The following RAB40C variants were observed in gnomAD, a reference collection of about 807,000 sequenced individuals.
The protein encoded by RAB40C is RAB40C, member RAS oncogene family, also known as ras-related protein Rab-40C.
Under a neutral mutation model 28.1 loss-of-function variants are expected in RAB40C, and 8 were observed. That is an observed-to-expected ratio of 0.28 (90% CI 0.17 to 0.51). RAB40C has a LOEUF of 0.51. Ranked by LOEUF, RAB40C falls within the 20% of genes least tolerant of loss-of-function variation. The pLI is 0.97. For missense variants in RAB40C, 288 were observed against 405.9 expected (o/e 0.71, Z 2.50); for synonymous variants, 201 against 171.7 (o/e 1.17, Z -1.34).
chr16:605,764 G>A (rs1449141188), intron 1 of RAB40C, among the ~76,000 whole-genome samples: 5 of 152,282 alleles, frequency 3.3e-5, no homozygotes, highest in South Asian at 4.1e-4. Flanking sequence ...AGTCTCAGAC[G>A]CGTTTGGTCA....
intron 3 of RAB40C, among the ~76,000 whole-genome samples, chr16:620,618 G>GCC (rs1336566343): frequency 1.5e-5 from 2 of 133,346 alleles, no homozygotes; most frequent in South Asian, 2.6e-4. Context: ...GGGCATCCCA[G>GCC]CCCCCCCCGA....
At chr16:609,894 G>T (rs1269088730) in intron 1 of RAB40C, among the ~76,000 whole-genome samples, 1 of 152,162 alleles carries the variant, frequency 6.6e-6, no homozygotes, top group Non-Finnish European at 1.5e-5. Context: ...GGCACGTCAG[G>T]ATGTGTCTCC....
At chr16:617,848 AG>A (rs1407894642) in intron 2 of RAB40C, among the ~76,000 whole-genome samples, 3 of 151,580 alleles carry the variant, frequency 2.0e-5, no homozygotes, top group Admixed American at 2.0e-4. Flanking sequence ...GTCTCAAAAA[AG>A]AAAAAAAAAA....
intron 1 of RAB40C, chr16:596,211 T>C (rs2036120977): frequency 2.3e-6 from 1 of 439,512 alleles, no homozygotes. Context: ...AATTGAACAG[T>C]GTTTCAGGAA....
chr16:602,471 C>T (rs1020043216), intron 1 of RAB40C, among the ~76,000 whole-genome samples: 1 of 151,988 alleles, frequency 6.6e-6, no homozygotes, highest in Non-Finnish European at 1.5e-5. Context: ...TTGCTCTTGT[C>T]CACCAGGCTG....
intron 1 of RAB40C, among the ~76,000 whole-genome samples, chr16:613,959 A>G (rs2036533277): frequency 6.6e-6 from 1 of 152,220 alleles, no homozygotes; most frequent in South Asian, 2.1e-4. Context: ...GGAAGCACAC[A>G]GTCGGCGCAG....
At chr16:606,147 G>T (rs1267264672) in intron 1 of RAB40C, among the ~76,000 whole-genome samples, 9 of 150,700 alleles carry the variant, frequency 6.0e-5, no homozygotes, top group Admixed American at 6.0e-4. Context: ...TCCCTGGGCT[G>T]AAGTCAAGGT....
rs776136791 is a variant in RAB40C at position 627,603 on chromosome 16, G to A, written c.827G>A (p.Ser276Asn). The A allele has an allele frequency of 6.3e-7, 1 of 1,592,866 alleles. No individual in the cohort carries two copies. The highest frequency in any genetic ancestry group is 8.6e-7 in the Non-Finnish European group (1 of 1,167,628). Residue 276 changes from serine to asparagine, a missense_variant, in exon 6 of 6, where the codon AGT (serine) becomes AAT (asparagine). Transcript: ENST00000248139. ...PQSPPQNCSR[S>N]NCKIS is the part of the protein sequence containing the mutation. Reference sequence around the variant, plus strand: ...AGCCCCCCCCAGAACTGCTCGCGGAGTAACTGCAAGATCTCCTAGCGGGGA... The same window carrying A: ...AGCCCCCCCCAGAACTGCTCGCGGAATAACTGCAAGATCTCCTAGCGGGGA...
At chr16:622,326 T>C (rs1596415859) in intron 3 of RAB40C, among the ~76,000 whole-genome samples, 1 of 152,090 alleles carries the variant, frequency 6.6e-6, no homozygotes, top group South Asian at 2.1e-4. Flanking sequence ...GGGCCTGAGC[T>C]CAGGGCGTGC....
intron 1 of RAB40C, among the ~76,000 whole-genome samples, chr16:597,340 C>T (rs775507503): frequency 5.9e-5 from 9 of 152,056 alleles, no homozygotes; most frequent in Non-Finnish European, 1.0e-4. Flanking sequence ...CCTTCGCCGT[C>T]TTTACAGTGA....
In RAB40C at chr16:617,192, CT is replaced by C; in HGVS notation, c.143-15del. 1 of 1,613,318 alleles carries C rather than the reference CT, an allele frequency of 6.2e-7. No individual in the cohort carries two copies. Among genetic ancestry groups the C allele is most frequent in the Non-Finnish European group, 8.5e-7 (1 of 1,179,924 alleles). ...AGGAGTGGCGCGTCCCCTCAGCGCCCTGTGCTTCCTCGCAGGGATCGACTAC... is the reference window on the plus strand; with the variant it reads ...AGGAGTGGCGCGTCCCCTCAGCGCCCGTGCTTCCTCGCAGGGATCGACTAC... On this transcript the variant is annotated splice_polypyrimidine_tract_variant and intron_variant, in intron 1 of 5. Coordinates refer to ENST00000248139, the MANE Select transcript of RAB40C (RefSeq NM_021168.5).
chr16:620,392 A>C (rs1318573815), intron 3 of RAB40C, among the ~76,000 whole-genome samples: 3 of 151,444 alleles, frequency 2.0e-5, no homozygotes, highest in Non-Finnish European at 4.4e-5. Flanking sequence ...ACTCCATCTC[A>C]AAAAAAAAGG....
intron 5 of RAB40C, among the ~76,000 whole-genome samples, chr16:626,937 AAAAAC>A (rs774385943): frequency 2.0e-5 from 3 of 152,348 alleles, no homozygotes; most frequent in South Asian, 4.1e-4. Context: ...ACCCGTCTCA[AAAAAC>A]AAAACAAAAG....
intron 1 of RAB40C, among the ~76,000 whole-genome samples, chr16:600,621 T>G (rs772545151): frequency 7.2e-5 from 11 of 152,184 alleles, no homozygotes; most frequent in Non-Finnish European, 1.3e-4. Context: ...CCTGGTGGCA[T>G]GCACCTGTAT....
At chr16:619,682 G>A (rs989140210) in intron 3 of RAB40C, among the ~76,000 whole-genome samples, 30 of 152,180 alleles carry the variant, frequency 2.0e-4, no homozygotes, top group Admixed American at 9.2e-4. Flanking sequence ...CAGGGAGGCC[G>A]CCTGGGTCTG....
chr16:590,778 T>C (rs1258936527), intron 1 of RAB40C, among the ~76,000 whole-genome samples: 1 of 145,374 alleles, frequency 6.9e-6, no homozygotes, highest in African/African-American at 2.6e-5. Flanking sequence ...CTAGAGAAGG[T>C]GTCATGGGCC....
intron 1 of RAB40C, among the ~76,000 whole-genome samples, chr16:597,745 T>G (rs1032565578): frequency 2.6e-5 from 4 of 151,642 alleles, no homozygotes; most frequent in Admixed American, 6.6e-5. Flanking sequence ...CGCCTCAGCT[T>G]CCCAAAGTTG....
chr16:618,093 C>T, intron 2 of RAB40C, 107 bp from the exon 3 acceptor site: 2 of 1,051,934 alleles, frequency 1.9e-6, no homozygotes, highest in Non-Finnish European at 2.8e-6. Context: ...CCTGTCCTGG[C>T]CGCCCCGCTC....
chr16:590,656 C>A (rs549117053), intron 1 of RAB40C, among the ~76,000 whole-genome samples: 3 of 152,324 alleles, frequency 2.0e-5, no homozygotes, highest in African/African-American at 7.2e-5. Context: ...ACGCGCCCAG[C>A]GGGGACGGTG....
Sources: allele counts gnomAD v4.1 joint callset (sites outside exome capture counted in the v4.1 genomes callset), GRCh38; gene constraint gnomAD v4.1.1; transcripts MANE v1.5; gene names NCBI Gene and HGNC (gene_info 2026-07-23, HGNC 2026-07-21).